The following MGAT4C variants were observed in gnomAD, a reference collection of about 807,000 sequenced individuals.
MGAT4C encodes alpha-1,3-mannosyl-glycoprotein 4-beta-N-acetylglucosaminyltransferase C.
MGAT4C carries 19 observed loss-of-function variants against 40.1 expected under a neutral mutation model. The observed-to-expected ratio is 0.47, with a 90% confidence interval of 0.33 to 0.70. The LOEUF (loss-of-function observed/expected upper bound fraction) is 0.70, where lower values mean the gene tolerates loss of function less well. MGAT4C is among the 30% of genes least tolerant of loss of function. MGAT4C has a pLI of 0.02. For missense variants in MGAT4C, 491 were observed against 563.2 expected (o/e 0.87, Z 1.30); for synonymous variants, 181 against 187.1 (o/e 0.97, Z 0.27).
intron 1 of MGAT4C, among the ~76,000 whole-genome samples, chr12:86,084,377 T>A (rs1013784289): frequency 2.6e-5 from 4 of 152,078 alleles, no homozygotes; most frequent in Non-Finnish European, 4.4e-5. Flanking sequence ...ATTTTATTGA[T>A]AAATCTATTC....
chr12:86,338,507 T>C (rs961970455), intron 3 of MGAT4C, among the ~76,000 whole-genome samples: 2 of 152,172 alleles, frequency 1.3e-5, no homozygotes, highest in African/African-American at 4.8e-5. Context: ...GAGGTTTGTT[T>C]TGGGAAAGAG....
intron 1 of MGAT4C, among the ~76,000 whole-genome samples, chr12:86,211,525 T>C (rs1046550540): frequency 2.7e-5 from 4 of 150,132 alleles, no homozygotes; most frequent in African/African-American, 4.9e-5. Context: ...AGGCGGAGCT[T>C]GCAGTGAGCT....
intron 2 of MGAT4C, among the ~76,000 whole-genome samples, chr12:86,702,017 A>G (rs1950371920): frequency 6.6e-6 from 1 of 152,154 alleles, no homozygotes; most frequent in Non-Finnish European, 1.5e-5. Context: ...AGATAGCTAC[A>G]CTAAACAACA....
At chr12:86,325,568 G>C (rs2136167054) in intron 4 of MGAT4C, among the ~76,000 whole-genome samples, 1 of 152,246 alleles carries the variant, frequency 6.6e-6, no homozygotes, top group East Asian at 1.9e-4. Flanking sequence ...AAGAGATGTA[G>C]CATTAAAACA....
intron 1 of MGAT4C, among the ~76,000 whole-genome samples, chr12:86,065,924 CAA>C (rs371502339): frequency 6.6e-4 from 100 of 152,182 alleles, no homozygotes; most frequent in African/African-American, 2.4e-3. Flanking sequence ...AACAGACAAA[CAA>C]AGAGCCAAAT....
At chr12:86,440,757 G>T (rs553396700) in intron 2 of MGAT4C, among the ~76,000 whole-genome samples, 1 of 152,016 alleles carries the variant, frequency 6.6e-6, no homozygotes, top group Non-Finnish European at 1.5e-5. Flanking sequence ...TCCTAGAGTT[G>T]ATAAATAAAT....
intron 4 of MGAT4C, among the ~76,000 whole-genome samples, chr12:86,296,994 AG>A (rs2136135280): frequency 6.6e-6 from 1 of 152,376 alleles, no homozygotes; most frequent in South Asian, 2.1e-4. Flanking sequence ...CTTGTAAAAA[AG>A]GCAGATAAAG....
intron 4 of MGAT4C, among the ~76,000 whole-genome samples, chr12:86,288,674 G>C (rs1038526760): frequency 6.6e-6 from 1 of 151,928 alleles, no homozygotes; most frequent in Non-Finnish European, 1.5e-5. Flanking sequence ...TAATCATGTG[G>C]AGCATTTTTA....
At position 86,635,163 on chromosome 12, in the gene MGAT4C, A is replaced by G. The variant is rs148592231; in HGVS notation, c.-229+92046T>C. Among the ~76,000 whole-genome samples, 29 of 152,180 alleles carry G rather than the reference A, an allele frequency of 1.9e-4. No homozygotes were observed. The East Asian group carries it at 4.9e-3, about 26-fold the overall frequency. On this transcript the variant is annotated intron_variant, in intron 2 of 7. Transcript: ENST00000548651. ...CTCTCTTTCTTTTTCTGCACCACTG[A>G]TCACAGGCTCTGTCTTTATGCATCT...
At chr12:86,219,148 C>A (rs1213668775) in intron 1 of MGAT4C, among the ~76,000 whole-genome samples, 2 of 151,910 alleles carry the variant, frequency 1.3e-5, no homozygotes, top group Non-Finnish European at 2.9e-5. Flanking sequence ...CCACTGCACT[C>A]CAGCCTGATG....
At chr12:86,312,686 T>C (rs942553406) in intron 4 of MGAT4C, among the ~76,000 whole-genome samples, 6 of 151,994 alleles carry the variant, frequency 3.9e-5, no homozygotes, top group South Asian at 4.1e-4. Context: ...GTAAATAATA[T>C]TTTATATTTT....
At chr12:86,430,573 T>C (rs1161978877) in intron 3 of MGAT4C, among the ~76,000 whole-genome samples, 2 of 152,150 alleles carry the variant, frequency 1.3e-5, no homozygotes, top group Non-Finnish European at 2.9e-5. Context: ...CTGGCTTTGT[T>C]TGGCTATAAA....
At chr12:86,832,609 C>T (rs747497565) in intron 1 of MGAT4C, among the ~76,000 whole-genome samples, 1 of 151,754 alleles carries the variant, frequency 6.6e-6, no homozygotes, top group Non-Finnish European at 1.5e-5. Flanking sequence ...ACTTACAGTG[C>T]TATGTAATAG....
chr12:86,721,835 C>T (rs190740640), intron 2 of MGAT4C, among the ~76,000 whole-genome samples: 79 of 152,184 alleles, frequency 5.2e-4, no homozygotes, highest in Non-Finnish European at 8.4e-4. Flanking sequence ...TTATGTAGCA[C>T]GCCATGCTTC....
intron 2 of MGAT4C, among the ~76,000 whole-genome samples, chr12:86,482,494 T>A (rs948289606): frequency 6.6e-6 from 1 of 152,028 alleles, no homozygotes; most frequent in African/African-American, 2.4e-5. Flanking sequence ...AATGAAAAAT[T>A]CAAAGGATTG....
chr12:86,700,364 A>G (rs1203921172), intron 2 of MGAT4C, among the ~76,000 whole-genome samples: 3 of 152,076 alleles, frequency 2.0e-5, no homozygotes, highest in Admixed American at 6.6e-5. Context: ...AAGCTCAGAC[A>G]TAAACATACA....
At chr12:86,496,694 A>G (rs542641564) in intron 2 of MGAT4C, among the ~76,000 whole-genome samples, 1 of 152,034 alleles carries the variant, frequency 6.6e-6, no homozygotes, top group African/African-American at 2.4e-5. Context: ...TTATATATAC[A>G]TAATGTTCTA....
rs75554045 is a variant in MGAT4C at position 86,785,919 on chromosome 12, C to T, written c.-262+52747G>A. ...CCAAAGAAACATTCCAAGTAAAAAA[C>T]CAGTATGCAACTTAAATTTCCATTT... On this transcript the variant is annotated intron_variant, in intron 1 of 7. Transcript: ENST00000548651. Among the ~76,000 whole-genome samples the T allele has an allele frequency of 5.1e-4, 78 of 151,996 alleles. 1 individual carries two copies. The highest frequency in any genetic ancestry group is 1.8e-3 in the African/African-American group (76 of 41,504).
chr12:86,191,270 T>A (rs1284127676), intron 1 of MGAT4C, among the ~76,000 whole-genome samples: 1 of 152,056 alleles, frequency 6.6e-6, no homozygotes, highest in African/African-American at 2.4e-5. Context: ...TGCTCTAATC[T>A]GGTTAGATAT....
Sources: gnomAD v4.1 joint callset for allele counts (sites outside exome capture counted in the v4.1 genomes callset) on GRCh38, gnomAD v4.1.1 for gene constraint, MANE v1.5 for transcripts, NCBI Gene and HGNC (gene_info 2026-07-23, HGNC 2026-07-21) for gene names.